GLRX3: variants seen among roughly 807,000 people sequenced by gnomAD.
The protein encoded by GLRX3 is glutaredoxin 3, also known as glutaredoxin-3.
In GLRX3, 22 loss-of-function variants were observed where a neutral mutation model predicts 49.5. The ratio of observed to expected loss-of-function variants is 0.44; its 90% CI spans 0.32 to 0.63. The LOEUF (loss-of-function observed/expected upper bound fraction) is 0.63. Among genes scored for constraint, GLRX3 ranks in the 30% least tolerant of loss-of-function variants. The pLI, the probability that GLRX3 is intolerant of heterozygous loss-of-function variation, is 0.05. For missense variants in GLRX3, 385 were observed against 396.3 expected, an observed-to-expected ratio of 0.97 and a Z score of 0.24; for synonymous variants, 133 against 140.0, an observed-to-expected ratio of 0.95 and a Z score of 0.35.
intron 2 of GLRX3, among the ~76,000 whole-genome samples, chr10:130,152,327 G>A (rs1162480719): frequency 6.6e-6 from 1 of 152,114 alleles, no homozygotes; most frequent in East Asian, 1.9e-4. Context: ...TCTGTTACAT[G>A]TGAATTTGAT....
At chr10:130,141,566 AATC>A (rs1481325641) in intron 1 of GLRX3, among the ~76,000 whole-genome samples, 1 of 152,176 alleles carries the variant, frequency 6.6e-6, no homozygotes, top group Non-Finnish European at 1.5e-5. Context: ...GTGTGAGTAG[AATC>A]ATACAGTTCT....
chr10:130,140,770 C>T (rs776886178), intron 1 of GLRX3, among the ~76,000 whole-genome samples: 395 of 152,138 alleles, frequency 2.6e-3, no homozygotes, highest in Non-Finnish European at 3.2e-3. Flanking sequence ...TTTCCTGTGG[C>T]GTTGAAAGTT....
chr10:130,137,878 G>C (rs1449309071), intron 1 of GLRX3, among the ~76,000 whole-genome samples: 3 of 151,986 alleles, frequency 2.0e-5, no homozygotes, highest in Admixed American at 1.3e-4. Flanking sequence ...GGGACCACAG[G>C]TGCTCACCAC....
intron 2 of GLRX3, among the ~76,000 whole-genome samples, chr10:130,154,677 C>G (rs1178343640): frequency 6.6e-6 from 1 of 151,948 alleles, no homozygotes; most frequent in Non-Finnish European, 1.5e-5. Flanking sequence ...TCTTGCAGCT[C>G]AGTGCCATCA....
intron 2 of GLRX3, among the ~76,000 whole-genome samples, chr10:130,148,883 G>A (rs1862318294): frequency 6.6e-6 from 1 of 151,774 alleles, no homozygotes; most frequent in Admixed American, 6.6e-5. Context: ...GGCAACATAG[G>A]GAGACTTCAT....
chr10:130,176,113 T>G (rs540510728), intron 10 of GLRX3, among the ~76,000 whole-genome samples: 18 of 129,456 alleles, frequency 1.4e-4, no homozygotes, highest in African/African-American at 5.5e-4. Flanking sequence ...AAAATAAAAG[T>G]TTTTTTTTTT....
Position 130,145,336 on chromosome 10 carries a change from G to A in GLRX3, c.201+17G>A. On this transcript the variant is annotated intron_variant, in intron 2 of 10. Transcript: ENST00000331244. ...TTTGTGAAGGTATTTATATTTCAAT[G>A]TCATGTCTTTTGTGAATTTAATTCT... The A allele has an allele frequency of 1.8e-6, 2 of 1,096,190 alleles. No homozygotes were observed. Among genetic ancestry groups the A allele is most frequent in the Non-Finnish European group, 2.8e-6 (2 of 707,728 alleles). The allele number at this position is 1,096,190 out of a possible 1,614,324, so 67.9% of individuals were successfully genotyped here. A position where few individuals can be genotyped will look rare whatever the true frequency, so the allele number is the denominator to read the frequency against.
chr10:130,157,664 A>C (rs1862502513), intron 2 of GLRX3, among the ~76,000 whole-genome samples: 2 of 151,976 alleles, frequency 1.3e-5, no homozygotes, highest in South Asian at 2.1e-4. Flanking sequence ...TTGAAACCTT[A>C]AACCAACCAT....
At chr10:130,141,169 A>G (rs906924356) in intron 1 of GLRX3, among the ~76,000 whole-genome samples, 1 of 152,134 alleles carries the variant, frequency 6.6e-6, no homozygotes, top group Non-Finnish European at 1.5e-5. Flanking sequence ...CCAAAGCCCA[A>G]CTTTACAAAG....
At chr10:130,152,174 A>G (rs182363171) in intron 2 of GLRX3, among the ~76,000 whole-genome samples, 1 of 152,154 alleles carries the variant, frequency 6.6e-6, no homozygotes, top group East Asian at 1.9e-4. Flanking sequence ...ACCTGCCACC[A>G]TACCCAGCTA....
In GLRX3 at chr10:130,174,902, AAG is replaced by A; in HGVS notation, c.862_863del (p.Glu288SerfsTer38). 6.3e-7 allele frequency: 1 copy of A among 1,599,398 alleles called. No individual in the cohort carries two copies. The highest frequency in any genetic ancestry group is 8.6e-7 in the Non-Finnish European group (1 of 1,166,560). Reference sequence around the variant, plus strand: ...GAAACATTCGATATATTGGAGGATGAAGAAGTAAGTTCTGTGTTTGATGTTTC... The same window carrying A: ...GAAACATTCGATATATTGGAGGATGAAAGTAAGTTCTGTGTTTGATGTTTC... On this transcript the variant is annotated frameshift_variant and splice_region_variant, in exon 9 of 11. Coordinates refer to ENST00000331244, the MANE Select transcript of GLRX3 (RefSeq NM_006541.5). LOFTEE classifies it high-confidence loss of function.
At chr10:130,147,290 G>A (rs1156637028) in intron 2 of GLRX3, among the ~76,000 whole-genome samples, 1 of 152,182 alleles carries the variant, frequency 6.6e-6, no homozygotes, top group Non-Finnish European at 1.5e-5. Context: ...TCAAGATGAT[G>A]GTAATTGTTC....
intron 8 of GLRX3, among the ~76,000 whole-genome samples, chr10:130,173,355 C>A (rs1862851411): frequency 6.6e-6 from 1 of 152,214 alleles, no homozygotes; most frequent in South Asian, 2.1e-4. Context: ...CAGCTCTGGA[C>A]TTGCTAAGCG....
intron 2 of GLRX3, among the ~76,000 whole-genome samples, chr10:130,147,369 GATTT>G (rs1195787639): frequency 2.6e-5 from 4 of 152,212 alleles, no homozygotes; most frequent in Non-Finnish European, 4.4e-5. Flanking sequence ...CTATCTGAAT[GATTT>G]ATTTAAAGTG....
At chr10:130,161,024 A>G (rs749507234) in intron 4 of GLRX3, 27 bp downstream of exon 4, 79 of 1,526,318 alleles carry the variant, frequency 5.2e-5, no homozygotes, top group Non-Finnish European at 9.1e-6. Context: ...AACATAATAT[A>G]AACAAAATGG....
chr10:130,164,101 C>A (rs1267448163), intron 4 of GLRX3, among the ~76,000 whole-genome samples: 2 of 152,176 alleles, frequency 1.3e-5, no homozygotes, highest in Non-Finnish European at 2.9e-5. Flanking sequence ...TCAGCCTAAC[C>A]CCTGCACAGG....
intron 2 of GLRX3, among the ~76,000 whole-genome samples, chr10:130,157,363 G>A (rs1862490166): frequency 6.6e-6 from 1 of 151,118 alleles, no homozygotes; most frequent in Admixed American, 6.6e-5. Context: ...GGTGGGGGAT[G>A]GGGGTGTGCG....
chr10:130,169,452 A>G lies in GLRX3; in HGVS notation c.733A>G (p.Lys245Glu), dbSNP rs754332009. The G allele has an allele frequency of 6.8e-6, 11 of 1,611,406 alleles. No homozygotes were observed. In the South Asian group the frequency reaches 1.2e-4, roughly 18 times the overall value. ...LEERLKVLTNKASVMLFMKGN... is the reference protein window; with the variant it reads ...LEERLKVLTNEASVMLFMKGN... ...CTTTAGGCTCAAAGTGCTGACAAATAAAGCTTCTGTGATGCTCTTTATGAA... is the reference window on the plus strand; with the variant it reads ...CTTTAGGCTCAAAGTGCTGACAAATGAAGCTTCTGTGATGCTCTTTATGAA... The change falls in exon 7 of 11, where the codon AAA becomes GAA. Residue 245 changes from lysine (K) to glutamate (E), a missense_variant. Lys to Glu is a moderately conservative substitution (Grantham distance 56, BLOSUM62 1). This residue lies in a region of GLRX3 where 374 missense variants were observed against 358.6 expected (regional missense o/e 1.04). Transcript: ENST00000331244.
intron 1 of GLRX3, among the ~76,000 whole-genome samples, chr10:130,143,072 A>G (rs899396194): frequency 6.6e-6 from 1 of 152,178 alleles, no homozygotes; most frequent in Non-Finnish European, 1.5e-5. Context: ...TCAGGTTGGC[A>G]GCTTCTGCAC....
Sources: allele counts gnomAD v4.1 joint callset (sites outside exome capture counted in the v4.1 genomes callset), GRCh38; gene constraint gnomAD v4.1.1; regional missense constraint gnomAD v4.1.1; transcripts MANE v1.5; gene names NCBI Gene and HGNC (gene_info 2026-07-23, HGNC 2026-07-21).